DLG2: variants seen among roughly 807,000 people sequenced by gnomAD.
DLG2 encodes disks large homolog 2.
In DLG2, 45 loss-of-function variants were observed where a neutral mutation model predicts 132.5. The ratio of observed to expected loss-of-function variants is 0.34; its 90% CI spans 0.27 to 0.44. DLG2 has a LOEUF of 0.44. Among genes scored for constraint, DLG2 ranks in the 20% least tolerant of loss-of-function variants. DLG2 has a pLI of 1.00. For missense variants in DLG2, 1,045 were observed against 1,196.9 expected, an observed-to-expected ratio of 0.87 and a Z score of 1.87; for synonymous variants, 424 against 419.6, an observed-to-expected ratio of 1.01 and a Z score of -0.13.
chr11:84,218,128 A>C (rs190828699), intron 8 of DLG2, among the ~76,000 whole-genome samples: 210 of 152,058 alleles, frequency 1.4e-3, no homozygotes, highest in African/African-American at 4.9e-3. Context: ...AGATTGTGCC[A>C]CTGCACTCCA....
intron 11 of DLG2, among the ~76,000 whole-genome samples, chr11:84,045,986 T>C (rs549792426): frequency 1.3e-5 from 2 of 151,480 alleles, no homozygotes; most frequent in African/African-American, 4.8e-5. Flanking sequence ...GAAAAAAAAA[T>C]CCAGTGATGG....
intron 6 of DLG2, among the ~76,000 whole-genome samples, chr11:85,064,879 CCT>C (rs907222539): frequency 3.2e-4 from 48 of 151,524 alleles, no homozygotes; most frequent in African/African-American, 1.2e-3. Context: ...ACCCTTCCAG[CCT>C]CTCTCTCTTT....
intron 9 of DLG2, among the ~76,000 whole-genome samples, chr11:84,102,344 A>G (rs573759152): frequency 6.6e-6 from 1 of 152,270 alleles, no homozygotes; most frequent in South Asian, 2.1e-4. Flanking sequence ...TATTGACAAT[A>G]AATACTTGAT....
intron 8 of DLG2, among the ~76,000 whole-genome samples, chr11:84,237,357 G>A (rs1195855508): frequency 6.6e-6 from 1 of 152,162 alleles, no homozygotes; most frequent in Admixed American, 6.5e-5. Context: ...AATTTCCTGA[G>A]ATTGTCTTTA....
At chr11:85,177,870 C>G (rs2079410643) in intron 4 of DLG2, among the ~76,000 whole-genome samples, 1 of 151,898 alleles carries the variant, frequency 6.6e-6, no homozygotes, top group African/African-American at 2.4e-5. Flanking sequence ...TGTAGTACTT[C>G]TGCCAAAAAT....
intron 8 of DLG2, among the ~76,000 whole-genome samples, chr11:84,249,618 G>A (rs2097346156): frequency 6.6e-6 from 1 of 152,136 alleles, no homozygotes; most frequent in South Asian, 2.1e-4. Flanking sequence ...AATTTGTTAA[G>A]TGCCTACAGC....
chr11:83,707,313 G>A (rs1354013624), intron 18 of DLG2, among the ~76,000 whole-genome samples: 1 of 152,184 alleles, frequency 6.6e-6, no homozygotes, highest in Non-Finnish European at 1.5e-5. Flanking sequence ...GTTCCTTGAA[G>A]GTAGAGATTG....
intron 3 of DLG2, among the ~76,000 whole-genome samples, chr11:85,550,061 T>G (rs2076575023): frequency 6.6e-6 from 1 of 152,250 alleles, no homozygotes; most frequent in South Asian, 2.1e-4. Context: ...TCCCTTACTT[T>G]CTTAATAAAC....
chr11:83,583,654 G>A (rs1281583883), intron 19 of DLG2, among the ~76,000 whole-genome samples: 2 of 152,076 alleles, frequency 1.3e-5, no homozygotes, highest in African/African-American at 4.8e-5. Flanking sequence ...TTTACCATAG[G>A]GATTTCAAAG....
intron 7 of DLG2, among the ~76,000 whole-genome samples, chr11:84,442,194 A>G (rs2099019283): frequency 6.6e-6 from 1 of 152,116 alleles, no homozygotes; most frequent in Admixed American, 6.5e-5. Flanking sequence ...CATTGAATCT[A>G]TAAATTACTT....
chr11:85,428,721 G>C (rs1448012678), intron 3 of DLG2, among the ~76,000 whole-genome samples: 3 of 152,178 alleles, frequency 2.0e-5, no homozygotes, highest in African/African-American at 7.2e-5. Context: ...AAAAGAACTA[G>C]AGAAGCAAGA....
downstream of DLG2, chr11:83,455,055 T>A (rs1014084491): frequency 6.6e-6 from 1 of 152,666 alleles, no homozygotes; most frequent in Non-Finnish European, 1.5e-5. Context: ...TATCTTATAA[T>A]AAAACCATGA....
At chr11:83,884,624 G>A (rs1478172191) in intron 15 of DLG2, among the ~76,000 whole-genome samples, 1 of 152,182 alleles carries the variant, frequency 6.6e-6, no homozygotes, top group African/African-American at 2.4e-5. Context: ...GGAGATCTGA[G>A]GACGGGCAGA....
intron 6 of DLG2, among the ~76,000 whole-genome samples, chr11:84,999,699 T>C (rs2058028176): frequency 6.6e-6 from 1 of 152,196 alleles, no homozygotes; most frequent in Non-Finnish European, 1.5e-5. Context: ...GGAGCCTTTA[T>C]ATTATGAAAT....
At chr11:84,994,135 T>A (rs1397447557) in intron 6 of DLG2, among the ~76,000 whole-genome samples, 2 of 152,196 alleles carry the variant, frequency 1.3e-5, no homozygotes, top group African/African-American at 4.8e-5. Flanking sequence ...GCTCTTTCTG[T>A]CAACATTTGG....
intron 7 of DLG2, among the ~76,000 whole-genome samples, chr11:84,307,358 GAGA>G (rs1405787064): frequency 3.3e-5 from 5 of 152,186 alleles, no homozygotes; most frequent in African/African-American, 1.2e-4. Context: ...GGTGGATGGT[GAGA>G]AGAAGGTGAG....
chr11:83,813,998 T>C (rs1336107672), intron 17 of DLG2, among the ~76,000 whole-genome samples: 1 of 152,176 alleles, frequency 6.6e-6, no homozygotes, highest in Non-Finnish European at 1.5e-5. Context: ...AGACTCACTT[T>C]TTTTTCTTTA....
intron 14 of DLG2, among the ~76,000 whole-genome samples, chr11:83,960,390 T>A (rs2088288791): frequency 6.6e-6 from 1 of 152,096 alleles, no homozygotes; most frequent in South Asian, 2.1e-4. Flanking sequence ...CTCAGACTTT[T>A]GAATTTTACA....
intron 6 of DLG2, among the ~76,000 whole-genome samples, chr11:84,803,996 CATGAT>C (rs1439247083): frequency 2.6e-5 from 4 of 152,142 alleles, no homozygotes; most frequent in Non-Finnish European, 5.9e-5. Context: ...AATTAAATGA[CATGAT>C]ATACTCAAAC....
Sources: gnomAD v4.1 joint callset for allele counts (sites outside exome capture counted in the v4.1 genomes callset) on GRCh38, gnomAD v4.1.1 for gene constraint, MANE v1.5 for transcripts, NCBI Gene and HGNC (gene_info 2026-07-23, HGNC 2026-07-21) for gene names.